CPSF1: variants seen among roughly 807,000 people sequenced by gnomAD.
CPSF1 encodes cleavage and polyadenylation specific factor 1.
A neutral mutation model predicts 175.8 loss-of-function variants in CPSF1; 106 were observed. The observed-to-expected ratio is 0.60, with a 90% CI of 0.52 to 0.71. The LOEUF (loss-of-function observed/expected upper bound fraction) is 0.71. CPSF1 is among the 30% of genes least tolerant of loss of function. CPSF1 has a pLI of 0.00. For missense variants in CPSF1, 1,734 were observed against 2,022.9 expected (o/e 0.86, Z 2.74); for synonymous variants, 1,024 against 858.3 (o/e 1.19, Z -3.37).
intron 2 of CPSF1, among the ~76,000 whole-genome samples, chr8:144,405,114 T>A (rs1275835838): frequency 2.6e-5 from 4 of 151,842 alleles, no homozygotes; most frequent in Admixed American, 2.6e-4. Context: ...TTTACAGGGT[T>A]TCAAAATAAG....
intron 21 of CPSF1, 36 bp from the exon 22 acceptor site, chr8:144,397,697 G>A (rs782651567): frequency 6.4e-7 from 1 of 1,568,942 alleles, no homozygotes; most frequent in South Asian, 1.1e-5. Context: ...CGGCCTGCCA[G>A]CCCCAGGGAC....
Position 144,398,295 on chromosome 8 carries a change from C to G in CPSF1, c.1894+7G>C, listed in dbSNP as rs1345033768. On this transcript the variant is annotated splice_region_variant and intron_variant, in intron 19 of 37. Coordinates refer to ENST00000616140, the MANE Select transcript of CPSF1 (RefSeq NM_013291.3). The stretch of plus-strand genomic sequence containing the variant: ...ATGCCCAGGGCCCAACCACCCCCCC[C>G]ACCTACCTCCTTCCAGCAGGCGGAT... 2 of 1,509,042 alleles carry G rather than the reference C, an allele frequency of 1.3e-6. No homozygotes were observed. Among genetic ancestry groups the G allele is most frequent in the Non-Finnish European group, 1.8e-6 (2 of 1,119,288 alleles). The allele number at this position is 1,509,042 out of a possible 1,614,324, so 93.5% of individuals were successfully genotyped here. A position where few individuals can be genotyped will look rare whatever the true frequency, so the allele number is the denominator to read the frequency against.
chr8:144,400,135 G>GGGGCCCCCCCCCCCCCCCCCCCCCCCC, intron 9 of CPSF1, 31 bp downstream of exon 9: 6 of 895,988 alleles, frequency 6.7e-6, no homozygotes, highest in Non-Finnish European at 9.6e-6. Flanking sequence ...CCGTCCCCGG[G>GGGGCCCCCCCCCCCCCCCCCCCCCCCC]CCCCCCCCGC....
rs782625053 is a variant in CPSF1 at position 144,396,371 on chromosome 8, C to T, written c.2956G>A (p.Gly986Ser). 3.8e-6 allele frequency: 6 copies of T among 1,587,442 alleles called. No homozygotes were observed. In the African/African-American group the frequency reaches 4.0e-5, roughly 11 times the overall value. ...APFHNVNCPR[G>S]FLYFNRQGEL... is the part of the protein sequence containing the mutation. ...ACCTGTCTGTTGAAGTACAGGAAGC[C>T]GCGGGGACAGTTGACATTGTGGAAT... is the stretch of plus-strand genomic sequence containing the variant. Residue 986 changes from glycine (G) to serine (S), a missense_variant, in exon 26 of 38, where the codon GGC becomes AGC. Gly to Ser is a moderately conservative substitution (Grantham distance 56). Coordinates refer to ENST00000616140, the MANE Select transcript of CPSF1 (RefSeq NM_013291.3).
At chr8:144,397,931 G>C (rs903738405) in intron 20 of CPSF1, 23 bp downstream of exon 20, 2 of 1,599,854 alleles carry the variant, frequency 1.3e-6, no homozygotes, top group East Asian at 2.2e-5. Flanking sequence ...GGACAGGAGG[G>C]CGCCGGGAAT....
intron 2 of CPSF1, among the ~76,000 whole-genome samples, chr8:144,404,938 A>G (rs1209504602): frequency 6.6e-6 from 1 of 151,706 alleles, no homozygotes; most frequent in Non-Finnish European, 1.5e-5. Context: ...CCAGCTACTC[A>G]GGAGGCTGAG....
Position 144,399,106 on chromosome 8 carries a change from C to A in CPSF1, c.1467+22G>T. ...CTCACACTCCAGCCCCTGCCCCCAGCCCCGACCCCAACCCTGGGCACCTCT... is the reference window on the plus strand; with the variant it reads ...CTCACACTCCAGCCCCTGCCCCCAGACCCGACCCCAACCCTGGGCACCTCT... On this transcript the variant is annotated intron_variant, in intron 15 of 37. Transcript: ENST00000616140. This position sits in a 1 kb window ranked among gnomAD's most constrained non-coding sequence, Gnocchi z 6.4. 1 of 1,550,162 alleles carries A rather than the reference C, an allele frequency of 6.5e-7. No homozygotes were observed. The highest frequency in any genetic ancestry group is 8.7e-7 in the Non-Finnish European group (1 of 1,147,642).
intron 26 of CPSF1, chr8:144,395,982 G>A (rs112883060): frequency 1.5e-3 from 605 of 391,866 alleles, no homozygotes; most frequent in African/African-American, 0.011. Flanking sequence ...GCTTAAATAG[G>A]GAACCAGGAT....
chr8:144,400,135 G>GGGGCCCCCCCCCCCCCCCCCCCCCCC, intron 9 of CPSF1, 31 bp downstream of exon 9: 13 of 895,996 alleles, frequency 1.5e-5, no homozygotes, highest in Non-Finnish European at 2.1e-5. Context: ...CCGTCCCCGG[G>GGGGCCCCCCCCCCCCCCCCCCCCCCC]CCCCCCCCGC....
rs528419306 is a variant in CPSF1, at chr8:144,397,803, G to A, written c.2150C>T (p.Ala717Val). 2.5e-6 allele frequency: 4 copies of A among 1,610,808 alleles called. No individual in the cohort carries two copies. The South Asian group carries it at 3.3e-5, about 13-fold the overall frequency. Residue 717 changes from alanine (A) to valine (V), a missense_variant, in exon 21 of 38, where the codon GCC becomes GTC. This residue lies in a region of CPSF1 where 585 missense variants were observed against 584.7 expected (regional missense o/e 1.00). Coordinates refer to ENST00000616140, the MANE Select transcript of CPSF1 (RefSeq NM_013291.3). ...MFTTESRLGG[A>V]RDELGGRSGP... is the part of the protein sequence containing the mutation. ...ACTGCGGCCCCCGAGCTCGTCACGGGCCCCACCCAGGCGGCTCTCAGTGGT... is the reference window on the plus strand; with the variant it reads ...ACTGCGGCCCCCGAGCTCGTCACGGACCCCACCCAGGCGGCTCTCAGTGGT...
intron 2 of CPSF1, among the ~76,000 whole-genome samples, chr8:144,404,726 T>C (rs1300150397): frequency 1.3e-5 from 2 of 150,852 alleles, no homozygotes; most frequent in African/African-American, 4.9e-5. Flanking sequence ...CTAACTGGCA[T>C]GTTGGGGGAA....
At chr8:144,401,157 G>A (rs1021703090) in intron 5 of CPSF1, 54 bp downstream of exon 5, 22 of 1,563,796 alleles carry the variant, frequency 1.4e-5, no homozygotes, top group Non-Finnish European at 1.6e-5. Context: ...CCAGCTGCAG[G>A]GGGAGGGAGG....
In CPSF1 at chr8:144,394,277, G is replaced by A. The variant is rs1554862659; in HGVS notation, c.3768C>T (p.Tyr1256=). 3 of 1,600,446 alleles carry A rather than the reference G, an allele frequency of 1.9e-6. No individual in the cohort carries two copies. Among genetic ancestry groups the A allele is most frequent in the Admixed American group, 1.7e-5 (1 of 59,036 alleles). Residue 1256 remains tyrosine, a synonymous_variant, in exon 33 of 38, where the codon TAC becomes TAT. Coordinates refer to ENST00000616140, the MANE Select transcript of CPSF1 (RefSeq NM_013291.3). ...VSRDAKPLEV[Y]SVDFMVDNAQ... Reference sequence around the variant, plus strand: ...CATTGTCCACCATGAAGTCCACGCTGTACACCTCCAGGGGCTTGGCATCCT... The same window carrying A: ...CATTGTCCACCATGAAGTCCACGCTATACACCTCCAGGGGCTTGGCATCCT...
intron 2 of CPSF1, among the ~76,000 whole-genome samples, chr8:144,404,590 G>A (rs1358146643): frequency 6.7e-6 from 1 of 149,544 alleles, no homozygotes; most frequent in African/African-American, 2.5e-5. Flanking sequence ...GGCTGGTCTT[G>A]AACTCCTGAG....
rs781863395 is a variant in CPSF1 at position 144,397,585 on chromosome 8, G to A, written c.2287C>T (p.Arg763Ter). 1.0e-5 allele frequency: 16 copies of A among 1,539,974 alleles called. No individual in the cohort carries two copies. Among genetic ancestry groups the A allele is most frequent in the Non-Finnish European group, 1.3e-5 (15 of 1,138,280 alleles). ...SLFSPSKEEA[R>*]RSSQPPADRD... ...TCAGCAGGGGGCTGGCTGCTTCTTCGGGCCTCCTCCTTGCTGGGGCTGAAG... is the reference window on the plus strand; with the variant it reads ...TCAGCAGGGGGCTGGCTGCTTCTTCAGGCCTCCTCCTTGCTGGGGCTGAAG... The change falls in exon 22 of 38, where the codon CGA becomes TGA. Residue 763 changes from arginine (R) to a stop codon, truncating the protein, a stop_gained. Transcript: ENST00000616140. LOFTEE classifies it high-confidence loss of function.
Position 144,395,339 on chromosome 8 carries a change from G to T in CPSF1, c.3113C>A (p.Thr1038Asn), listed in dbSNP as rs781799286. ...HVESKVYAVA[T>N]STNTPCARIP... ...GCGGGCACACGGCGTGTTGGTGCTGGTGGCCACAGCATACACCTGTGGGTT... is the reference window on the plus strand; with the variant it reads ...GCGGGCACACGGCGTGTTGGTGCTGTTGGCCACAGCATACACCTGTGGGTT... Residue 1038 changes from threonine to asparagine, a missense_variant, in exon 28 of 38, where the codon ACC (threonine) becomes AAC (asparagine). Transcript: ENST00000616140. 2 of 1,613,482 alleles carry T rather than the reference G, an allele frequency of 1.2e-6. No individual in the cohort carries two copies. Among genetic ancestry groups the T allele is most frequent in the Non-Finnish European group, 1.7e-6 (2 of 1,179,960 alleles).
At position 144,399,485 on chromosome 8, in the gene CPSF1, T is replaced by A. The variant is rs1821017822; in HGVS notation, c.1261A>T (p.Lys421Ter). 3 of 1,613,046 alleles carry A rather than the reference T, an allele frequency of 1.9e-6. No individual in the cohort carries two copies. Among genetic ancestry groups the A allele is most frequent in the Non-Finnish European group, 2.5e-6 (3 of 1,179,942 alleles). Residue 421 changes from lysine (K) to a stop codon, truncating the protein, a stop_gained, in exon 13 of 38, where the codon AAG (lysine) becomes TAG (stop). Coordinates refer to ENST00000616140, the MANE Select transcript of CPSF1 (RefSeq NM_013291.3). LOFTEE classifies it high-confidence loss of function. The surrounding 1 kb of genome is among the most constrained non-coding windows in gnomAD (Gnocchi z 6.4). ...CCGGCCGTCGCATCCACTCGCTTCTTCTTTGAGGGAGGCTCTTCCTGTGAG... is the reference window on the plus strand; with the variant it reads ...CCGGCCGTCGCATCCACTCGCTTCTACTTTGAGGGAGGCTCTTCCTGTGAG... ...AADKEEPPSK[K>*]KRVDATAGWS...
Position 144,398,026 on chromosome 8 carries a change from C to A in CPSF1, c.2001G>T (p.Met667Ile), listed in dbSNP as rs782344954. ...VIMSAEGHVTMFLLKSDSYGG... is the reference protein window; with the variant it reads ...VIMSAEGHVTIFLLKSDSYGG... ...CGTAGGAGTCACTCTTCAGCAGGAA[C>A]ATGGTGACGTGGCCCTCGGCACTCA... is the stretch of plus-strand genomic sequence containing the variant. The change falls in exon 20 of 38, where the codon ATG (methionine) becomes ATT (isoleucine). Residue 667 changes from methionine to isoleucine, a missense_variant. By Grantham distance (10) the Met-to-Ile change is conservative. Transcript: ENST00000616140. 6.2e-7 allele frequency: 1 copy of A among 1,612,454 alleles called. No homozygotes were observed. The highest frequency in any genetic ancestry group is 8.5e-7 in the Non-Finnish European group (1 of 1,179,768).
rs1586620070 is a variant in CPSF1, at chr8:144,398,319, A to C, written c.1877T>G (p.Ile626Ser). 6.8e-7 allele frequency: 1 copy of C among 1,465,898 alleles called. No homozygotes were observed. Among genetic ancestry groups the C allele is most frequent in the Non-Finnish European group, 9.2e-7 (1 of 1,089,156 alleles). 90.8% of individuals were successfully genotyped at this position (1,465,898 alleles called of 1,614,324 possible). A position where few individuals can be genotyped will look rare whatever the true frequency, so the allele number is the denominator to read the frequency against. The change falls in exon 19 of 38, where the codon ATC (isoleucine) becomes AGC (serine). Residue 626 changes from isoleucine to serine, a missense_variant. This residue lies in a region of CPSF1 where 280 missense variants were observed against 349.2 expected (regional missense o/e 0.80). Transcript: ENST00000616140. ...RYIVQVSPLGIRLLEGVNQLH... is the reference protein window; with the variant it reads ...RYIVQVSPLGSRLLEGVNQLH... ...CCACCTACCTCCTTCCAGCAGGCGG[A>C]TGCCCAGTGGTGACACTTGGACAAT...
Sources: allele counts gnomAD v4.1 joint callset (sites outside exome capture counted in the v4.1 genomes callset), GRCh38; gene constraint gnomAD v4.1.1; regional missense constraint gnomAD v4.1.1; non-coding constraint Gnocchi (gnomAD v3.1); transcripts MANE v1.5; gene names NCBI Gene and HGNC (gene_info 2026-07-23, HGNC 2026-07-21).